The following TFDP1 variants were observed in gnomAD, a reference collection of about 807,000 sequenced individuals.
The protein encoded by TFDP1 is transcription factor Dp-1, also known as DRTF1-polypeptide 1.
A neutral mutation model predicts 48.0 loss-of-function variants in TFDP1; 6 were observed. The ratio of observed to expected loss-of-function variants is 0.13; its 90% confidence interval spans 0.07 to 0.25. The LOEUF is 0.25. Among genes scored for constraint, TFDP1 ranks in the 10% least tolerant of loss-of-function variants. The pLI is 1.00. For missense variants in TFDP1, 335 were observed against 543.0 expected (o/e 0.62, Z 3.81); for synonymous variants, 201 against 211.6 (o/e 0.95, Z 0.44).
rs2049621342 is a variant in TFDP1 at position 113,640,703 on chromosome 13, CTG to C, written c.*439_*440del. ...ACCCCTGCTGGCGGATAGCAAGACT[CTG>C]TGGAGTTTGTTCAGTGGTACGGTGT... On this transcript the variant is annotated 3_prime_UTR_variant, in exon 12 of 12. Transcript: ENST00000375370. 2 of 239,320 alleles carry C rather than the reference CTG, an allele frequency of 8.4e-6. No homozygotes were observed. The highest frequency in any genetic ancestry group is 1.6e-5 in the Non-Finnish European group (2 of 123,452). 14.8% of individuals were successfully genotyped at this position (239,320 alleles called of 1,614,324 possible).
chr13:113,631,937 G>A, intron 5 of TFDP1, 193 bp downstream of exon 5: 3 of 732,618 alleles, frequency 4.1e-6, no homozygotes, highest in East Asian at 5.9e-5. Context: ...CCTCGGTCAT[G>A]GAGAAGTCGG....
At chr13:113,631,226 G>A (rs1320456052) in intron 4 of TFDP1, among the ~76,000 whole-genome samples, 2 of 152,228 alleles carry the variant, frequency 1.3e-5, no homozygotes, top group African/African-American at 4.8e-5. Flanking sequence ...AGGGTGAAGG[G>A]AAAAATGGAA....
chr13:113,598,919 G>A lies in TFDP1; in HGVS notation c.13-12077G>A, dbSNP rs2048346552. 1.3e-5 allele frequency among the ~76,000 whole-genome samples: 2 copies of A among 152,140 alleles called. No homozygotes were observed. Among genetic ancestry groups the A allele is most frequent in the South Asian group, 4.1e-4 (2 of 4,826 alleles). ...TTCCCTTAGTTTAGAAAATGAAATC[G>A]CCTTATTGCTTTGTTCGGTTATGAA... is the stretch of plus-strand genomic sequence containing the variant. On this transcript the variant is annotated intron_variant, in intron 2 of 11. Transcript: ENST00000375370. The surrounding 1 kb of genome is among the most constrained non-coding windows in gnomAD (Gnocchi z 4.2).
At chr13:113,638,106 A>G (rs1276156659) in intron 11 of TFDP1, among the ~76,000 whole-genome samples, 1 of 152,178 alleles carries the variant, frequency 6.6e-6, no homozygotes, top group Non-Finnish European at 1.5e-5. Flanking sequence ...ACTGAAAGTA[A>G]TACATGGTGG....
chr13:113,610,907 G>A lies in TFDP1; in HGVS notation c.13-89G>A, dbSNP rs1025715346. 10 of 1,226,062 alleles carry A rather than the reference G, an allele frequency of 8.2e-6. No individual in the cohort carries two copies. In the African/African-American group the frequency reaches 1.1e-4, roughly 13 times the overall value. The allele number at this position is 1,226,062 out of a possible 1,614,324, so 75.9% of individuals were successfully genotyped here. A position where few individuals can be genotyped will look rare whatever the true frequency, so the allele number is the denominator to read the frequency against. On this transcript the variant is annotated intron_variant, in intron 2 of 11. Transcript: ENST00000375370. ...CTTCTGCCTTTTTATGACGTTATTT[G>A]ATAGAACCCTTGAGGGTGGTTTTAA...
rs185716253 is a variant in TFDP1, at chr13:113,586,486, C to G, written c.12+637C>G. Among the ~76,000 whole-genome samples, 90 of 152,242 alleles carry G rather than the reference C, an allele frequency of 5.9e-4. 3 individuals are homozygous for G. In the East Asian group the frequency reaches 0.017, roughly 28 times the overall value. Reference sequence around the variant, plus strand: ...AAATTTAGTCTATTTTATTGGTGTGCGGTTCTTTACCGTGCTTGGTTATGT... The same window carrying G: ...AAATTTAGTCTATTTTATTGGTGTGGGGTTCTTTACCGTGCTTGGTTATGT... On this transcript the variant is annotated intron_variant, in intron 2 of 11. Coordinates refer to ENST00000375370, the MANE Select transcript of TFDP1 (RefSeq NM_007111.5).
chr13:113,637,649 G>A, intron 10 of TFDP1, 169 bp from the exon 11 acceptor site: 2 of 1,539,070 alleles, frequency 1.3e-6, no homozygotes, highest in Non-Finnish European at 1.7e-6. Flanking sequence ...CTGCACAGCG[G>A]GATGTCCTGC....
At chr13:113,626,071 G>A (rs2049168794) in intron 4 of TFDP1, among the ~76,000 whole-genome samples, 1 of 146,264 alleles carries the variant, frequency 6.8e-6, no homozygotes, top group East Asian at 2.1e-4. Context: ...GTCCTCAGGT[G>A]TCTCTCACGT....
chr13:113,587,759 C>A (rs1024813442), intron 2 of TFDP1, among the ~76,000 whole-genome samples: 3 of 152,068 alleles, frequency 2.0e-5, no homozygotes, highest in Non-Finnish European at 2.9e-5. Context: ...CCACCGCGCC[C>A]GGCCTAGCTA....
In TFDP1 at chr13:113,625,977, GTCC is replaced by G. The variant is rs1249383034; in HGVS notation, c.186+2694_186+2696del. ...ACGTGTCCTCAGGCGTCTCTCACGT[GTCC>G]TCAGGTGTCTCTCACGTGTCCTCAG... On this transcript the variant is annotated intron_variant, in intron 4 of 11. Coordinates refer to ENST00000375370, the MANE Select transcript of TFDP1 (RefSeq NM_007111.5). 2.6e-4 allele frequency among the ~76,000 whole-genome samples: 38 copies of G among 143,612 alleles called. 1 individual carries two copies. The highest frequency in any genetic ancestry group is 1.9e-4 in the Non-Finnish European group (13 of 66,984). The allele number at this position is 143,612 out of a possible 152,430, so 94.2% of individuals were successfully genotyped here. A position where few individuals can be genotyped will look rare whatever the true frequency, so the allele number is the denominator to read the frequency against.
intron 3 of TFDP1, among the ~76,000 whole-genome samples, chr13:113,616,638 C>T (rs1566658677): frequency 6.6e-6 from 1 of 152,164 alleles, no homozygotes; most frequent in African/African-American, 2.4e-5. Context: ...TCATATCTGT[C>T]GGCTTTAGGG....
intron 4 of TFDP1, among the ~76,000 whole-genome samples, chr13:113,624,278 T>A (rs569555395): frequency 1.3e-5 from 2 of 152,264 alleles, no homozygotes; most frequent in South Asian, 4.1e-4. Flanking sequence ...GATGAGAACC[T>A]GTCCGTTCAC....
At chr13:113,604,562 T>G (rs1045863913) in intron 2 of TFDP1, among the ~76,000 whole-genome samples, 3 of 152,176 alleles carry the variant, frequency 2.0e-5, no homozygotes, top group African/African-American at 2.4e-5. Context: ...TGGGGACTTG[T>G]GCCGAGGCCA....
At chr13:113,624,111 C>T (rs560651480) in intron 4 of TFDP1, among the ~76,000 whole-genome samples, 33 of 152,130 alleles carry the variant, frequency 2.2e-4, no homozygotes, top group African/African-American at 7.5e-4. Context: ...GCTGTGGCCC[C>T]GCCTGGGCAG....
chr13:113,592,827 G>A (rs899785815), intron 2 of TFDP1, among the ~76,000 whole-genome samples: 1 of 152,070 alleles, frequency 6.6e-6, no homozygotes, highest in Admixed American at 6.5e-5. Flanking sequence ...CCAGGTGACA[G>A]GTGTGGTGTG....
chr13:113,587,123 G>A (rs1047292840), intron 2 of TFDP1, among the ~76,000 whole-genome samples: 2 of 152,096 alleles, frequency 1.3e-5, no homozygotes, highest in African/African-American at 2.4e-5. Context: ...TGGTGTTTTC[G>A]GGGCCCTCTT....
Position 113,594,532 on chromosome 13 carries a change from G to A in TFDP1, c.12+8683G>A, listed in dbSNP as rs149092897. Among the ~76,000 whole-genome samples, 54 of 151,954 alleles carry A rather than the reference G, an allele frequency of 3.6e-4. 1 individual carries two copies. In the East Asian group the frequency reaches 9.6e-3, roughly 27 times the overall value. On this transcript the variant is annotated intron_variant, in intron 2 of 11. Transcript: ENST00000375370. Reference sequence around the variant, plus strand: ...GTCCTCAGCCCTGCCCAGGTGACAGGTGTGCTGTGTGTGGGTCCTCTGCCC... The same window carrying A: ...GTCCTCAGCCCTGCCCAGGTGACAGATGTGCTGTGTGTGGGTCCTCTGCCC...
chr13:113,597,620 C>T (rs888060401), intron 2 of TFDP1, among the ~76,000 whole-genome samples: 5 of 152,194 alleles, frequency 3.3e-5, no homozygotes, highest in Non-Finnish European at 7.3e-5. Context: ...GAAAGGAGGG[C>T]GTCAGCTGCT....
Position 113,598,968 on chromosome 13 carries a change from T to C in TFDP1, c.13-12028T>C, listed in dbSNP as rs2048347611. Among the ~76,000 whole-genome samples, 2 of 152,210 alleles carry C rather than the reference T, an allele frequency of 1.3e-5. No homozygotes were observed. Among genetic ancestry groups the C allele is most frequent in the South Asian group, 2.1e-4 (1 of 4,836 alleles). The stretch of plus-strand genomic sequence containing the variant: ...AAAATGGAAAGTTTATTTAAAAACG[T>C]AGGGTGCAGAAAGGTGTCAGAAAGT... On this transcript the variant is annotated intron_variant, in intron 2 of 11. Transcript: ENST00000375370. The surrounding 1 kb of genome is among the most constrained non-coding windows in gnomAD (Gnocchi z 4.2).
Sources: gnomAD v4.1 joint callset for allele counts (sites outside exome capture counted in the v4.1 genomes callset) on GRCh38, gnomAD v4.1.1 for gene constraint, Gnocchi (gnomAD v3.1) non-coding constraint, MANE v1.5 for transcripts, NCBI Gene and HGNC (gene_info 2026-07-23, HGNC 2026-07-21) for gene names.